The following ARHGAP10 variants were observed in gnomAD, a reference collection of about 807,000 sequenced individuals.
ARHGAP10 encodes rho GTPase-activating protein 10.
In ARHGAP10, 87 loss-of-function variants were observed where a neutral mutation model predicts 108.6. That is an observed-to-expected ratio of 0.80 (90% CI 0.67 to 0.96). The LOEUF is 0.96. Among genes scored for constraint, ARHGAP10 ranks in the 40% least tolerant of loss-of-function variants. The pLI is 0.00. For missense variants in ARHGAP10, 939 were observed against 954.5 expected (o/e 0.98, Z 0.21); for synonymous variants, 347 against 341.1 (o/e 1.02, Z -0.19).
intron 13 of ARHGAP10, among the ~76,000 whole-genome samples, chr4:147,927,435 A>G (rs1350468769): frequency 2.0e-5 from 3 of 152,240 alleles, no homozygotes; most frequent in Non-Finnish European, 4.4e-5. Context: ...CAAGATGTCA[A>G]TACAGAATCT....
intron 10 of ARHGAP10, among the ~76,000 whole-genome samples, chr4:147,891,921 G>T (rs958123835): frequency 6.6e-6 from 1 of 151,666 alleles, no homozygotes; most frequent in Non-Finnish European, 1.5e-5. Context: ...TGTTAGCTTC[G>T]CTGGCATGCT....
chr4:148,003,357 A>G (rs1740809237), intron 18 of ARHGAP10, among the ~76,000 whole-genome samples: 1 of 152,128 alleles, frequency 6.6e-6, no homozygotes, highest in Non-Finnish European at 1.5e-5. Context: ...TTTTGGAGGA[A>G]GTGTGATGTG....
intron 18 of ARHGAP10, among the ~76,000 whole-genome samples, chr4:147,969,911 G>A (rs1221540072): frequency 6.6e-6 from 1 of 152,132 alleles, no homozygotes; most frequent in Non-Finnish European, 1.5e-5. Flanking sequence ...CTATTCAGAA[G>A]GGAGCAATGG....
At chr4:148,038,418 T>TC (rs145940753) in intron 19 of ARHGAP10, among the ~76,000 whole-genome samples, 1,924 of 152,222 alleles carry the variant, frequency 0.013, 43 homozygotes, top group African/African-American at 0.044. Flanking sequence ...CATTTTATAA[T>TC]CCCCCCCATT....
chr4:147,856,802 GT>G (rs918860252), intron 4 of ARHGAP10, among the ~76,000 whole-genome samples: 1 of 151,954 alleles, frequency 6.6e-6, no homozygotes, highest in African/African-American at 2.4e-5. Flanking sequence ...TTCCCAAGAT[GT>G]TTTTTTTCCA....
chr4:147,903,102 C>T (rs1736316327), intron 10 of ARHGAP10, among the ~76,000 whole-genome samples: 1 of 152,138 alleles, frequency 6.6e-6, no homozygotes, highest in Admixed American at 6.5e-5. Flanking sequence ...GACCCAGAGC[C>T]AAACCATCCC....
At chr4:147,973,369 G>A (rs1033297233) in intron 18 of ARHGAP10, among the ~76,000 whole-genome samples, 2 of 152,102 alleles carry the variant, frequency 1.3e-5, no homozygotes, top group Non-Finnish European at 2.9e-5. Flanking sequence ...CTGAGTCTGT[G>A]TAGATTGAGT....
At chr4:147,799,627 T>G (rs1731493594) in intron 1 of ARHGAP10, among the ~76,000 whole-genome samples, 1 of 152,224 alleles carries the variant, frequency 6.6e-6, no homozygotes, top group African/African-American at 2.4e-5. Context: ...TGAGTTTTTG[T>G]TACTGTACTT....
In ARHGAP10 at chr4:147,897,534, A is replaced by C. The variant is rs536294703; in HGVS notation, c.1035-9104A>C. ...TAATGATTTTTAGTTATGCCTTTTA[A>C]TGTATTTTTTAGATAGTGTCTCAGA... is the stretch of plus-strand genomic sequence containing the variant. On this transcript the variant is annotated intron_variant, in intron 10 of 22. Coordinates refer to ENST00000336498, the MANE Select transcript of ARHGAP10 (RefSeq NM_024605.4). 2.1e-4 allele frequency among the ~76,000 whole-genome samples: 32 copies of C among 152,218 alleles called. No individual in the cohort carries two copies. The South Asian group carries it at 6.6e-3, about 32-fold the overall frequency.
chr4:147,946,760 A>G (rs888958952), intron 15 of ARHGAP10, 56 bp downstream of exon 15: 1 of 1,317,820 alleles, frequency 7.6e-7, no homozygotes, highest in Non-Finnish European at 1.0e-6. Context: ...CTGTAACATA[A>G]AACAGATGCC....
intron 18 of ARHGAP10, among the ~76,000 whole-genome samples, chr4:148,020,534 C>A (rs1741525559): frequency 6.7e-6 from 1 of 148,766 alleles, no homozygotes; most frequent in Admixed American, 6.6e-5. Flanking sequence ...TAAGTGAGAA[C>A]ATGCGTTTTT....
intron 18 of ARHGAP10, among the ~76,000 whole-genome samples, chr4:147,996,417 C>T (rs1457792076): frequency 6.6e-6 from 1 of 152,190 alleles, no homozygotes; most frequent in East Asian, 1.9e-4. Context: ...ATTGTCTTAA[C>T]ATGACCATCT....
chr4:147,778,694 AT>A (rs1436776749), intron 1 of ARHGAP10, among the ~76,000 whole-genome samples: 1 of 152,164 alleles, frequency 6.6e-6, no homozygotes, highest in Non-Finnish European at 1.5e-5. Flanking sequence ...TTAACACATG[AT>A]TCCTGGATGT....
At chr4:147,746,463 C>T (rs533235329) in intron 1 of ARHGAP10, among the ~76,000 whole-genome samples, 22 of 147,332 alleles carry the variant, frequency 1.5e-4, no homozygotes, top group South Asian at 4.4e-4. Flanking sequence ...TGCAGCGGCG[C>T]GATCTTGGCT....
intron 15 of ARHGAP10, among the ~76,000 whole-genome samples, chr4:147,952,844 G>A (rs906363865): frequency 6.6e-6 from 1 of 151,884 alleles, no homozygotes; most frequent in Non-Finnish European, 1.5e-5. Flanking sequence ...GGGTCACAAA[G>A]GTTTTCTTTT....
intron 18 of ARHGAP10, among the ~76,000 whole-genome samples, chr4:147,969,059 T>C (rs1166567094): frequency 2.6e-5 from 4 of 152,348 alleles, no homozygotes; most frequent in East Asian, 1.9e-4. Context: ...TTAATACTTA[T>C]GGAGTGAAAT....
At chr4:147,950,567 T>G (rs1578725095) in intron 15 of ARHGAP10, among the ~76,000 whole-genome samples, 1 of 152,004 alleles carries the variant, frequency 6.6e-6, no homozygotes, top group Admixed American at 6.6e-5. Flanking sequence ...ATGTTGGAGG[T>G]GGAGGGAGGA....
Position 147,958,786 on chromosome 4 carries a change from A to G in ARHGAP10, c.1450+3412A>G, listed in dbSNP as rs151104172. 2.9e-3 allele frequency among the ~76,000 whole-genome samples: 439 copies of G among 152,308 alleles called. 1 individual carries two copies. The highest frequency in any genetic ancestry group is 0.01 in the African/African-American group (420 of 41,558). ...TTGACTTTTGACATTTCAATATTGAAATAATTTAGCATTTATCTGCCTCTG... is the reference window on the plus strand; with the variant it reads ...TTGACTTTTGACATTTCAATATTGAGATAATTTAGCATTTATCTGCCTCTG... On this transcript the variant is annotated intron_variant, in intron 16 of 22. Transcript: ENST00000336498.
intron 18 of ARHGAP10, among the ~76,000 whole-genome samples, chr4:147,978,699 C>T (rs982457984): frequency 5.3e-5 from 8 of 152,140 alleles, no homozygotes; most frequent in African/African-American, 1.9e-4. Flanking sequence ...GTCAATTAAG[C>T]CCCTTTTCTT....
Sources: gnomAD v4.1 joint callset for allele counts (sites outside exome capture counted in the v4.1 genomes callset) on GRCh38, gnomAD v4.1.1 for gene constraint, MANE v1.5 for transcripts, NCBI Gene and HGNC (gene_info 2026-07-23, HGNC 2026-07-21) for gene names.